The following GPC5 variants were observed in gnomAD, a reference collection of about 807,000 sequenced individuals.
GPC5 encodes glypican 5, also known as glypican-5.
In GPC5, 47 loss-of-function variants were observed where a neutral mutation model predicts 53.9. That is an observed-to-expected ratio of 0.87 (90% CI 0.69 to 1.11). GPC5 has a LOEUF of 1.11. Among genes scored for constraint, GPC5 ranks in the 50% most tolerant of loss-of-function variants. The pLI, the probability that GPC5 is intolerant of heterozygous loss-of-function variation, is 0.00. For synonymous variants in GPC5, 286 were observed against 263.3 expected (o/e 1.09, Z -0.84); for missense variants, 748 against 713.1 (o/e 1.05, Z -0.56).
At chr13:91,594,932 A>C (rs2032935707) in intron 2 of GPC5, among the ~76,000 whole-genome samples, 1 of 151,652 alleles carries the variant, frequency 6.6e-6, no homozygotes, top group South Asian at 2.1e-4. Flanking sequence ...GAGCTCCCAA[A>C]GTTCTGGAAT....
chr13:92,076,671 C>G (rs1252143033), intron 6 of GPC5, among the ~76,000 whole-genome samples: 2 of 151,598 alleles, frequency 1.3e-5, no homozygotes, highest in Non-Finnish European at 2.9e-5. Flanking sequence ...CCCTATATAG[C>G]ATGACTTACT....
intron 5 of GPC5, among the ~76,000 whole-genome samples, chr13:91,826,684 A>C (rs1441796751): frequency 6.6e-6 from 1 of 152,126 alleles, no homozygotes; most frequent in Non-Finnish European, 1.5e-5. Flanking sequence ...AACTGACACG[A>C]GAATTGACAA....
At chr13:92,087,127 T>A (rs1217544074) in intron 6 of GPC5, among the ~76,000 whole-genome samples, 1 of 152,230 alleles carries the variant, frequency 6.6e-6, no homozygotes, top group Non-Finnish European at 1.5e-5. Context: ...GCCATCTTGA[T>A]ACTTTGTTAA....
chr13:91,565,001 G>GA (rs1314318900), intron 2 of GPC5, among the ~76,000 whole-genome samples: 1 of 133,202 alleles, frequency 7.5e-6, no homozygotes, highest in South Asian at 2.5e-4. Flanking sequence ...TTTGGGGGGG[G>GA]GTCGGTGGGA....
chr13:92,410,960 C>A (rs1203154848), intron 7 of GPC5, among the ~76,000 whole-genome samples: 1 of 152,194 alleles, frequency 6.6e-6, no homozygotes, highest in African/African-American at 2.4e-5. Context: ...TGAGGCCAGG[C>A]GCAGTGGCCC....
intron 5 of GPC5, among the ~76,000 whole-genome samples, chr13:91,799,281 T>G (rs959794456): frequency 2.0e-5 from 3 of 152,108 alleles, no homozygotes; most frequent in Non-Finnish European, 4.4e-5. Context: ...AGCTAAACAT[T>G]GGGTACTCAC....
At chr13:91,435,514 C>G (rs1879867049) in intron 1 of GPC5, among the ~76,000 whole-genome samples, 1 of 152,172 alleles carries the variant, frequency 6.6e-6, no homozygotes, top group Non-Finnish European at 1.5e-5. Context: ...GTTGAACCAG[C>G]CTTGCATCCC....
intron 2 of GPC5, among the ~76,000 whole-genome samples, chr13:91,546,962 G>A (rs1953617): frequency 0.017 from 2,601 of 152,116 alleles, 71 homozygotes; most frequent in African/African-American, 0.059. Flanking sequence ...AGAAGGGAAA[G>A]AAGAAGAAAA....
intron 7 of GPC5, among the ~76,000 whole-genome samples, chr13:92,735,594 C>T (rs1365287174): frequency 6.6e-6 from 1 of 151,944 alleles, no homozygotes; most frequent in African/African-American, 2.4e-5. Flanking sequence ...GGGTAGGATT[C>T]TTCAGTGAGA....
intron 7 of GPC5, among the ~76,000 whole-genome samples, chr13:92,611,932 A>G (rs1884451730): frequency 6.6e-6 from 1 of 152,138 alleles, no homozygotes; most frequent in Non-Finnish European, 1.5e-5. Flanking sequence ...AGAATCAACC[A>G]TGAAAATTGC....
chr13:91,423,710 AAG>A (rs1450750829), intron 1 of GPC5, among the ~76,000 whole-genome samples: 1 of 152,188 alleles, frequency 6.6e-6, no homozygotes, highest in Non-Finnish European at 1.5e-5. Flanking sequence ...AAATTGGGAA[AAG>A]AGTGGATTTT....
intron 7 of GPC5, among the ~76,000 whole-genome samples, chr13:92,491,622 T>A (rs1879764358): frequency 6.6e-6 from 1 of 152,140 alleles, no homozygotes; most frequent in Non-Finnish European, 1.5e-5. Flanking sequence ...AATATAAGAA[T>A]TAGTGCACTT....
rs2033780691 is a variant in GPC5, at chr13:91,619,081, A to G, written c.326-74106A>G. ...TTTAAATTGGATGAATATTAGAAAG[A>G]GGAGAGAATTAACTTACTTCAGAAA... On this transcript the variant is annotated intron_variant, in intron 2 of 7. Transcript: ENST00000377067. 2.0e-5 allele frequency among the ~76,000 whole-genome samples: 3 copies of G among 152,066 alleles called. No homozygotes were observed. In the South Asian group the frequency reaches 6.2e-4, roughly 31 times the overall value.
intron 7 of GPC5, among the ~76,000 whole-genome samples, chr13:92,685,543 C>CATTTTTTTTTTTTTTA (rs1284844873): frequency 0.049 from 3,132 of 64,160 alleles, 64 homozygotes; most frequent in South Asian, 0.11. Flanking sequence ...AAATTATGCT[C>CATTTTTTTTTTTTTTA]ATTTTTTTTT....
rs113184407 is a variant in GPC5 at position 92,587,067 on chromosome 13, T to A, written c.1562-279215T>A. On this transcript the variant is annotated intron_variant, in intron 7 of 7. Transcript: ENST00000377067. Reference sequence around the variant, plus strand: ...TCGATCAAAAACATCTCCATCAGCATCTCCTAACTAGTTGAGAGTTAGTAA... The same window carrying A: ...TCGATCAAAAACATCTCCATCAGCAACTCCTAACTAGTTGAGAGTTAGTAA... Among the ~76,000 whole-genome samples, 661 of 152,172 alleles carry A rather than the reference T, an allele frequency of 4.3e-3. 1 individual carries two copies. The highest frequency in any genetic ancestry group is 0.014 in the Middle Eastern group (4 of 294).
At chr13:91,664,349 C>T (rs534333009) in intron 2 of GPC5, among the ~76,000 whole-genome samples, 4 of 152,318 alleles carry the variant, frequency 2.6e-5, no homozygotes, top group Non-Finnish European at 5.9e-5. Context: ...TGTGACTCAC[C>T]TCTGTGAGGA....
chr13:91,642,554 G>T lies in GPC5; in HGVS notation c.326-50633G>T, dbSNP rs1231744581. Among the ~76,000 whole-genome samples, 4 of 152,110 alleles carry T rather than the reference G, an allele frequency of 2.6e-5. No individual in the cohort carries two copies. In the East Asian group the frequency reaches 7.7e-4, roughly 29 times the overall value. On this transcript the variant is annotated intron_variant, in intron 2 of 7. Coordinates refer to ENST00000377067, the MANE Select transcript of GPC5 (RefSeq NM_004466.6). ...CAACATTGTCAGCCACCACAGAAAG[G>T]TCTATAAAGATCAACCCAAAACTTC...
intron 7 of GPC5, among the ~76,000 whole-genome samples, chr13:92,220,055 A>G (rs1457421391): frequency 6.6e-6 from 1 of 152,208 alleles, no homozygotes; most frequent in Non-Finnish European, 1.5e-5. Context: ...TGGTAACACT[A>G]TAATTATGAC....
intron 6 of GPC5, among the ~76,000 whole-genome samples, chr13:92,126,849 T>C (rs1041289449): frequency 5.2e-5 from 7 of 134,240 alleles, no homozygotes; most frequent in Admixed American, 5.1e-4. Flanking sequence ...TATGCATGTG[T>C]GTGCATTTGT....
Sources: allele counts gnomAD v4.1 joint callset (sites outside exome capture counted in the v4.1 genomes callset), GRCh38; gene constraint gnomAD v4.1.1; transcripts MANE v1.5; gene names NCBI Gene and HGNC (gene_info 2026-07-23, HGNC 2026-07-21).